The following DNAH8 variants were observed in gnomAD, a reference collection of about 807,000 sequenced individuals.
DNAH8 encodes dynein axonemal heavy chain 8.
DNAH8 carries 382 observed loss-of-function variants against 562.1 expected under a neutral mutation model. The observed-to-expected ratio is 0.68, with a 90% CI of 0.63 to 0.74. The LOEUF (loss-of-function observed/expected upper bound fraction) is 0.74, where lower values mean the gene tolerates loss of function less well. Among genes scored for constraint, DNAH8 ranks in the 30% least tolerant of loss-of-function variants. The pLI is 0.00. For synonymous variants in DNAH8, 1,881 were observed against 1,919.4 expected (o/e 0.98, Z 0.52); for missense variants, 5,203 against 5,620.4 (o/e 0.93, Z 2.37).
intron 52 of DNAH8, among the ~76,000 whole-genome samples, chr6:38,874,240 C>G: frequency 2.2e-5 from 1 of 44,498 alleles, no homozygotes; most frequent in African/African-American, 8.0e-5. Flanking sequence ...TTCTCCCCTC[C>G]CTCCCCTTCC....
intron 10 of DNAH8, among the ~76,000 whole-genome samples, chr6:38,758,301 GA>G (rs1292838585): frequency 6.6e-6 from 1 of 151,740 alleles, no homozygotes; most frequent in African/African-American, 2.4e-5. Flanking sequence ...TTGTGAATGG[GA>G]GTTCACTCAT....
chr6:38,829,447 T>C (rs902727542), intron 30 of DNAH8, among the ~76,000 whole-genome samples: 6 of 152,340 alleles, frequency 3.9e-5, no homozygotes, highest in South Asian at 2.1e-4. Flanking sequence ...TGTTTTCTTA[T>C]GAGAGTTTTA....
At chr6:38,900,250 C>T (rs1779984395) in intron 62 of DNAH8, among the ~76,000 whole-genome samples, 1 of 152,176 alleles carries the variant, frequency 6.6e-6, no homozygotes, top group Non-Finnish European at 1.5e-5. Context: ...TTGCTCTTTG[C>T]ATCCTATTTC....
chr6:38,907,781 A>AT (rs1262998212), intron 63 of DNAH8, among the ~76,000 whole-genome samples, 175 bp from the exon 64 acceptor site: 1 of 152,258 alleles, frequency 6.6e-6, no homozygotes, highest in Non-Finnish European at 1.5e-5. Context: ...GAGCTGCTCA[A>AT]TAAAAAGTTG....
At chr6:38,948,868 G>A (rs906493072) in intron 80 of DNAH8, among the ~76,000 whole-genome samples, 3 of 152,130 alleles carry the variant, frequency 2.0e-5, no homozygotes, top group Admixed American at 2.0e-4. Flanking sequence ...TAGGTCTCAA[G>A]GTGGGGGATC....
intron 58 of DNAH8, among the ~76,000 whole-genome samples, chr6:38,891,460 G>A (rs564623432): frequency 8.5e-5 from 13 of 152,340 alleles, no homozygotes; most frequent in African/African-American, 2.4e-4. Context: ...ATGTGGGCAC[G>A]CACTTGTCTC....
chr6:38,845,887 T>C (rs1775258535), intron 36 of DNAH8, 114 bp downstream of exon 36: 2 of 866,778 alleles, frequency 2.3e-6, no homozygotes, highest in Admixed American at 4.4e-5. Flanking sequence ...CTAAATTTGG[T>C]ATTATCTTGT....
At chr6:38,815,425 G>A (rs1772161064) in intron 25 of DNAH8, 43 bp from the exon 26 acceptor site, 10 of 1,502,212 alleles carry the variant, frequency 6.7e-6, no homozygotes, top group Non-Finnish European at 9.2e-6. Context: ...GGGATGGACT[G>A]TATGTGCCGG....
chr6:38,796,925 A>C (rs1770320029), intron 21 of DNAH8, among the ~76,000 whole-genome samples: 1 of 151,960 alleles, frequency 6.6e-6, no homozygotes, highest in South Asian at 2.1e-4. Context: ...CTCCATATTA[A>C]ATTCTCTAAT....
At chr6:38,998,630 G>A (rs1765293509) in intron 88 of DNAH8, among the ~76,000 whole-genome samples, 1 of 152,092 alleles carries the variant, frequency 6.6e-6, no homozygotes, top group Admixed American at 6.6e-5. Context: ...AGACTGATTT[G>A]GATATTATGG....
intron 58 of DNAH8, 87 bp from the exon 59 acceptor site, chr6:38,894,614 T>A (rs940899339): frequency 1.6e-5 from 17 of 1,070,170 alleles, no homozygotes; most frequent in Non-Finnish European, 2.1e-5. Flanking sequence ...TTATCTAAAA[T>A]AGGATTTGTG....
chr6:38,884,888 C>T (rs955815560), intron 56 of DNAH8, among the ~76,000 whole-genome samples: 5 of 152,124 alleles, frequency 3.3e-5, no homozygotes, highest in African/African-American at 9.7e-5. Context: ...GCCAGAAGTC[C>T]GCATGCTCCT....
intron 68 of DNAH8, among the ~76,000 whole-genome samples, chr6:38,915,813 T>G (rs1200368669): frequency 6.6e-6 from 1 of 151,850 alleles, no homozygotes; most frequent in African/African-American, 2.4e-5. Flanking sequence ...CAGGCAGACC[T>G]GCATTCAACC....
At chr6:38,856,330 G>A (rs576550931) in intron 41 of DNAH8, among the ~76,000 whole-genome samples, 1 of 152,146 alleles carries the variant, frequency 6.6e-6, no homozygotes, top group Middle Eastern at 3.4e-3. Context: ...CCACTAAGTC[G>A]CATGCCTTTT....
chr6:38,969,044 A>C (rs1013404878), intron 82 of DNAH8, among the ~76,000 whole-genome samples: 1 of 152,194 alleles, frequency 6.6e-6, no homozygotes. Flanking sequence ...CATATATTGC[A>C]TAATTCCATT....
At chr6:38,722,581 G>GT (rs1230749691) in intron 1 of DNAH8, among the ~76,000 whole-genome samples, 195 bp from the exon 2 acceptor site, 1 of 150,854 alleles carries the variant, frequency 6.6e-6, no homozygotes, top group Non-Finnish European at 1.5e-5. Context: ...CAGGTGGGTG[G>GT]GGGTGTGTGT....
chr6:38,794,203 C>G (rs1056035082), intron 21 of DNAH8, among the ~76,000 whole-genome samples: 1 of 152,192 alleles, frequency 6.6e-6, no homozygotes, highest in Non-Finnish European at 1.5e-5. Flanking sequence ...TTCTCGTCCA[C>G]TCTTTCCCTG....
At chr6:39,012,134 A>T in intron 89 of DNAH8, 81 bp from the exon 90 acceptor site, 1 of 1,051,854 alleles carries the variant, frequency 9.5e-7, no homozygotes, top group Non-Finnish European at 1.4e-6. Flanking sequence ...AGGAAGAAAA[A>T]GAATTGAGAA....
intron 24 of DNAH8, among the ~76,000 whole-genome samples, chr6:38,811,802 T>C (rs933368556): frequency 6.6e-6 from 1 of 152,150 alleles, no homozygotes; most frequent in African/African-American, 2.4e-5. Context: ...TTTTTCCTTC[T>C]CTCTCTCCCT....
Sources: allele counts gnomAD v4.1 joint callset (sites outside exome capture counted in the v4.1 genomes callset), GRCh38; gene constraint gnomAD v4.1.1; transcripts MANE v1.5; gene names NCBI Gene and HGNC (gene_info 2026-07-23, HGNC 2026-07-21).